ASIC2: variants seen among roughly 807,000 people sequenced by gnomAD.
ASIC2 encodes the protein acid sensing ion channel subunit 2.
ASIC2 carries 25 observed loss-of-function variants against 57.3 expected under a neutral mutation model. That is an observed-to-expected ratio of 0.44 (90% CI 0.32 to 0.61). The LOEUF (loss-of-function observed/expected upper bound fraction) is 0.61. Ranked by LOEUF, ASIC2 falls within the 20% of genes least tolerant of loss-of-function variation. The pLI is 0.06. For missense variants in ASIC2, 641 were observed against 738.1 expected, an observed-to-expected ratio of 0.87 and a Z score of 1.52; for synonymous variants, 319 against 307.5, an observed-to-expected ratio of 1.04 and a Z score of -0.39.
chr17:33,981,709 T>A (rs9898980), intron 1 of ASIC2, among the ~76,000 whole-genome samples: 1 of 151,614 alleles, frequency 6.6e-6, no homozygotes, highest in Non-Finnish European at 1.5e-5. Context: ...GGGGGGAAGA[T>A]TAGCTAACAT....
At chr17:33,564,824 T>C (rs4795809) in intron 1 of ASIC2, among the ~76,000 whole-genome samples, 91,709 of 152,122 alleles carry the variant, frequency 0.6, 28,820 homozygotes, top group African/African-American at 0.79. Context: ...GATGGAAAAC[T>C]GCTTAAATGC....
chr17:33,584,240 C>A lies in ASIC2; in HGVS notation c.556-472173G>T, dbSNP rs1270612556. ...TCTCAAAGGTAGGCAGGGAAGGGATCGCCATCTTTAGTTCATGGAGAGGGT... is the reference window on the plus strand; with the variant it reads ...TCTCAAAGGTAGGCAGGGAAGGGATAGCCATCTTTAGTTCATGGAGAGGGT... On this transcript the variant is annotated intron_variant, in intron 1 of 9. Transcript: ENST00000359872. Among the ~76,000 whole-genome samples, 3 of 152,060 alleles carry A rather than the reference C, an allele frequency of 2.0e-5. No homozygotes were observed. The East Asian group carries it at 5.8e-4, about 29-fold the overall frequency.
At chr17:34,051,512 C>G (rs1200883544) in intron 1 of ASIC2, among the ~76,000 whole-genome samples, 1 of 152,138 alleles carries the variant, frequency 6.6e-6, no homozygotes, top group Non-Finnish European at 1.5e-5. Context: ...AAAGATAAGT[C>G]AGGACTATCA....
At chr17:33,416,414 C>T (rs905067365) in intron 1 of ASIC2, among the ~76,000 whole-genome samples, 2 of 152,212 alleles carry the variant, frequency 1.3e-5, no homozygotes, top group Admixed American at 6.5e-5. Flanking sequence ...CTCGTGGCAT[C>T]ACCAATCTTC....
At chr17:33,461,591 A>G (rs1912637696) in intron 1 of ASIC2, among the ~76,000 whole-genome samples, 1 of 152,220 alleles carries the variant, frequency 6.6e-6, no homozygotes, top group Non-Finnish European at 1.5e-5. Flanking sequence ...AATGACAAGC[A>G]GTGAACAAGT....
chr17:33,278,583 T>G (rs1440676442), intron 1 of ASIC2, among the ~76,000 whole-genome samples: 1 of 152,092 alleles, frequency 6.6e-6, no homozygotes, highest in Non-Finnish European at 1.5e-5. Context: ...GCCCTTCCCA[T>G]CGTTCTGATC....
intron 1 of ASIC2, among the ~76,000 whole-genome samples, chr17:33,798,041 G>A (rs903466873): frequency 1.2e-4 from 19 of 152,146 alleles, no homozygotes; most frequent in Non-Finnish European, 1.8e-4. Context: ...AGGGCTCTAA[G>A]GAGCAGATGG....
intron 1 of ASIC2, among the ~76,000 whole-genome samples, chr17:33,594,316 T>A (rs191516272): frequency 3.3e-4 from 50 of 152,318 alleles, no homozygotes; most frequent in Admixed American, 3.2e-3. Context: ...CCCCATCTCA[T>A]ACCAGAGCAG....
intron 1 of ASIC2, among the ~76,000 whole-genome samples, chr17:33,368,117 T>C (rs1908892689): frequency 6.6e-6 from 1 of 152,364 alleles, no homozygotes; most frequent in Admixed American, 6.5e-5. Context: ...ATGCTCTCTC[T>C]TCTTGAACCC....
intron 1 of ASIC2, chr17:33,931,063 A>G (rs1375148879): frequency 6.6e-6 from 1 of 152,148 alleles, no homozygotes; most frequent in Non-Finnish European, 1.5e-5. Context: ...GGACTGATGC[A>G]GTTTTACTTT....
intron 1 of ASIC2, among the ~76,000 whole-genome samples, chr17:33,776,424 G>C (rs911682650): frequency 2.6e-5 from 4 of 152,214 alleles, no homozygotes; most frequent in Admixed American, 6.5e-5. Flanking sequence ...TTGGTTTCCA[G>C]CCTCTAGAAT....
chr17:33,025,325 A>G (rs538188368), intron 5 of ASIC2, among the ~76,000 whole-genome samples: 1 of 152,310 alleles, frequency 6.6e-6, no homozygotes, highest in South Asian at 2.1e-4. Flanking sequence ...CTGGGGAACC[A>G]GCAGAGGTCT....
At chr17:33,784,763 T>C (rs1464515154) in intron 1 of ASIC2, among the ~76,000 whole-genome samples, 1 of 152,184 alleles carries the variant, frequency 6.6e-6, no homozygotes, top group East Asian at 1.9e-4. Context: ...AAGAGCCACA[T>C]GTAGCTGAGA....
intron 1 of ASIC2, among the ~76,000 whole-genome samples, chr17:33,782,497 G>A (rs978286041): frequency 8.5e-5 from 13 of 152,050 alleles, no homozygotes; most frequent in African/African-American, 3.1e-4. Flanking sequence ...TTGGGAGGCC[G>A]AGGCAGACTC....
At chr17:34,055,044 A>G (rs1448031426) in intron 1 of ASIC2, among the ~76,000 whole-genome samples, 1 of 152,162 alleles carries the variant, frequency 6.6e-6, no homozygotes, top group African/African-American at 2.4e-5. Context: ...ATACTTAGCT[A>G]CCTCTCAGAG....
chr17:33,340,109 C>T (rs1169255094), intron 1 of ASIC2, among the ~76,000 whole-genome samples: 2 of 152,120 alleles, frequency 1.3e-5, no homozygotes, highest in Non-Finnish European at 2.9e-5. Flanking sequence ...TAACCAATTG[C>T]CACAAATGTG....
chr17:33,165,836 G>T (rs1480552652), intron 1 of ASIC2, among the ~76,000 whole-genome samples: 1 of 152,148 alleles, frequency 6.6e-6, no homozygotes, highest in East Asian at 1.9e-4. Flanking sequence ...ATTCCCTGTA[G>T]ACTAATTTTA....
chr17:33,479,660 G>T (rs1913339246), intron 1 of ASIC2, among the ~76,000 whole-genome samples: 2 of 152,276 alleles, frequency 1.3e-5, no homozygotes, highest in South Asian at 2.1e-4. Context: ...TGCAGTCAAA[G>T]CCCTGGGCAT....
intron 1 of ASIC2, among the ~76,000 whole-genome samples, chr17:33,921,676 A>G (rs4795838): frequency 0.33 from 49,629 of 152,008 alleles, 8,420 homozygotes; most frequent in Admixed American, 0.39. Flanking sequence ...AAGGAGGGAA[A>G]AAGATGAAGA....
Sources: allele counts gnomAD v4.1 joint callset (sites outside exome capture counted in the v4.1 genomes callset), GRCh38; gene constraint gnomAD v4.1.1; transcripts MANE v1.5; gene names NCBI Gene and HGNC (gene_info 2026-07-23, HGNC 2026-07-21).